The following GASK1A variants were observed in gnomAD, a reference collection of about 807,000 sequenced individuals.
GASK1A encodes the protein Golgi-associated kinase 1A.
Under a neutral mutation model 41.2 loss-of-function variants are expected in GASK1A, and 40 were observed. That is an observed-to-expected ratio of 0.97 (90% CI 0.75 to 1.27). The LOEUF is 1.27. Ranked by LOEUF, GASK1A falls within the 50% of genes most tolerant of loss-of-function variation. The probability of loss-of-function intolerance (pLI) is 0.00; values close to 1 mark genes in which losing one functional copy is unlikely to be tolerated. For synonymous variants in GASK1A, 316 were observed against 307.1 expected (o/e 1.03, Z -0.30); for missense variants, 678 against 745.1 (o/e 0.91, Z 1.05).
At chr3:43,019,317 T>G (rs1443238081) in intron 1 of GASK1A, among the ~76,000 whole-genome samples, 2 of 152,144 alleles carry the variant, frequency 1.3e-5, no homozygotes, top group Non-Finnish European at 2.9e-5. Context: ...CCTGTTATTC[T>G]GCCCACAGTG....
At chr3:42,992,756 C>T (rs1167561886) in intron 1 of GASK1A, among the ~76,000 whole-genome samples, 2 of 152,104 alleles carry the variant, frequency 1.3e-5, no homozygotes, top group Non-Finnish European at 2.9e-5. Flanking sequence ...AAACTTCAGC[C>T]GAATTAAATT....
chr3:42,990,502 G>GT (rs1015309556), intron 1 of GASK1A, among the ~76,000 whole-genome samples: 35 of 152,282 alleles, frequency 2.3e-4, no homozygotes, highest in Admixed American at 9.1e-4. Flanking sequence ...CATTTACTAA[G>GT]TTTTTTTATC....
chr3:43,010,146 C>T (rs1443853778), intron 1 of GASK1A, among the ~76,000 whole-genome samples: 3 of 152,168 alleles, frequency 2.0e-5, no homozygotes, highest in Non-Finnish European at 2.9e-5. Context: ...ACATCATATG[C>T]CTTTCCCAGT....
chr3:43,014,635 G>A (rs2089480813), intron 1 of GASK1A, among the ~76,000 whole-genome samples: 1 of 151,590 alleles, frequency 6.6e-6, no homozygotes, highest in African/African-American at 2.4e-5. Flanking sequence ...TGGGAAGTCA[G>A]AATGAGTGGC....
chr3:43,020,684 G>T (rs2089516783), intron 1 of GASK1A, among the ~76,000 whole-genome samples: 2 of 152,214 alleles, frequency 1.3e-5, no homozygotes, highest in Non-Finnish European at 2.9e-5. Context: ...ATAGGAGTTG[G>T]GTAGGCTGGG....
chr3:43,045,197 A>T (rs929557189), intron 2 of GASK1A, among the ~76,000 whole-genome samples: 1 of 152,176 alleles, frequency 6.6e-6, no homozygotes, highest in African/African-American at 2.4e-5. Flanking sequence ...ATCTGTGCAC[A>T]TTCCAGAGGC....
At chr3:42,986,311 G>A (rs751714707) in intron 1 of GASK1A, among the ~76,000 whole-genome samples, 1 of 152,184 alleles carries the variant, frequency 6.6e-6, no homozygotes, top group Non-Finnish European at 1.5e-5. Flanking sequence ...GGTTGCAGGG[G>A]TTAGGGGTAG....
intron 1 of GASK1A, among the ~76,000 whole-genome samples, chr3:42,983,519 G>A (rs1334100269): frequency 6.6e-6 from 1 of 152,054 alleles, no homozygotes; most frequent in Non-Finnish European, 1.5e-5. Context: ...GCAGATGTTC[G>A]TCCAGTCTGT....
intron 2 of GASK1A, among the ~76,000 whole-genome samples, chr3:43,037,827 T>C (rs889485530): frequency 6.6e-6 from 1 of 152,238 alleles, no homozygotes; most frequent in African/African-American, 2.4e-5. Context: ...ATTTGTAGCA[T>C]TTGGCACCAT....
At chr3:43,024,379 A>G (rs2089536188) in intron 1 of GASK1A, among the ~76,000 whole-genome samples, 1 of 152,166 alleles carries the variant, frequency 6.6e-6, no homozygotes, top group Non-Finnish European at 1.5e-5. Context: ...TTGCCTGCCC[A>G]TCTCAGCTCC....
chr3:43,047,384 C>T (rs987595382), intron 2 of GASK1A, among the ~76,000 whole-genome samples: 1 of 152,216 alleles, frequency 6.6e-6, no homozygotes, highest in Non-Finnish European at 1.5e-5. Flanking sequence ...TCCTAGCCAA[C>T]ATTTTTATTA....
chr3:43,037,422 G>A, intron 2 of GASK1A: 1 of 898,198 alleles, frequency 1.1e-6, no homozygotes, highest in Non-Finnish European at 1.8e-6. Flanking sequence ...AGCTGCTCTG[G>A]AGGCAGCTGT....
Position 43,032,511 on chromosome 3 carries a change from T to C in GASK1A, c.248T>C (p.Leu83Ser). 6.5e-7 allele frequency: 1 copy of C among 1,549,818 alleles called. No individual in the cohort carries two copies. Among genetic ancestry groups the C allele is most frequent in the Non-Finnish European group, 8.7e-7 (1 of 1,145,430 alleles). ...RNMGFWRSRALPRNSILVCAE... is the reference protein window; with the variant it reads ...RNMGFWRSRASPRNSILVCAE... ...ATGGGCTTCTGGAGAAGCCGTGCTT[T>C]GCCCAGGAACTCCATCTTGGTCTGT... The change falls in exon 2 of 5, where the codon TTG (leucine) becomes TCG (serine). Residue 83 changes from leucine to serine, a missense_variant. Physicochemically the swap from Leu to Ser is moderately radical, Grantham distance 145. Transcript: ENST00000430121.
chr3:43,046,804 A>T (rs2089665117), intron 2 of GASK1A, among the ~76,000 whole-genome samples: 1 of 152,168 alleles, frequency 6.6e-6, no homozygotes, highest in South Asian at 2.1e-4. Context: ...CAGTCTTAGG[A>T]CTTGGTGCCC....
At chr3:42,991,624 G>A (rs1049068354) in intron 1 of GASK1A, among the ~76,000 whole-genome samples, 2 of 152,204 alleles carry the variant, frequency 1.3e-5, no homozygotes, top group Non-Finnish European at 2.9e-5. Flanking sequence ...CCCAGACTAT[G>A]GTGGGGGCTG....
chr3:43,021,986 T>A (rs1358202922), intron 1 of GASK1A, among the ~76,000 whole-genome samples: 1 of 152,124 alleles, frequency 6.6e-6, no homozygotes, highest in African/African-American at 2.4e-5. Context: ...GTAACTCCAT[T>A]TCTCTTTCCC....
In GASK1A at chr3:42,984,296, A is replaced by ATCCT. The variant is rs1553613226; in HGVS notation, c.3+4653_3+4654insCTTC. On this transcript the variant is annotated intron_variant, in intron 1 of 4. Transcript: ENST00000430121. The surrounding 1 kb of genome is among the most constrained non-coding windows in gnomAD (Gnocchi z 4.2). ...CTTCTTTATGTGGATTTCACTTCCT[A>ATCCT]TCTCTCTCTCTCTCTCTTTCTCTCT... Among the ~76,000 whole-genome samples the ATCCT allele has an allele frequency of 4.0e-5, 6 of 149,630 alleles. No individual in the cohort carries two copies. The highest frequency in any genetic ancestry group is 8.9e-5 in the Non-Finnish European group (6 of 67,430).
Position 43,033,475 on chromosome 3 carries a change from C to T in GASK1A, c.1212C>T (p.Asn404=). 6.4e-7 allele frequency: 1 copy of T among 1,550,846 alleles called. No individual in the cohort carries two copies. Among genetic ancestry groups the T allele is most frequent in the Non-Finnish European group, 8.7e-7 (1 of 1,146,946 alleles). ...AGGCCCTGCTGGCACACAGCTGCAA[C>T]TGGCCAGGCCAGGCCCCGTGCCCGG... The part of the protein sequence containing the change: ...QYQALLAHSC[N]WPGQAPCPGI... Residue 404 remains asparagine (N), a synonymous_variant, in exon 2 of 5, where the codon AAC becomes AAT. Transcript: ENST00000430121.
intron 1 of GASK1A, among the ~76,000 whole-genome samples, chr3:43,003,082 G>A (rs2089418309): frequency 6.6e-6 from 1 of 152,176 alleles, no homozygotes; most frequent in South Asian, 2.1e-4. Context: ...CAATCTTGGT[G>A]ATCCTCCTGA....
Sources: gnomAD v4.1 joint callset for allele counts (sites outside exome capture counted in the v4.1 genomes callset) on GRCh38, gnomAD v4.1.1 for gene constraint, Gnocchi (gnomAD v3.1) non-coding constraint, MANE v1.5 for transcripts, NCBI Gene and HGNC (gene_info 2026-07-23, HGNC 2026-07-21) for gene names.